The following RILPL1 variants were observed in gnomAD, a reference collection of about 807,000 sequenced individuals.
RILPL1 encodes Rab interacting lysosomal protein like 1.
A neutral mutation model predicts 50.3 loss-of-function variants in RILPL1; 33 were observed. That is an observed-to-expected ratio of 0.66 (90% confidence interval 0.50 to 0.88). The LOEUF is 0.88. RILPL1 is among the 40% of genes least tolerant of loss of function. The pLI is 0.00. For synonymous variants in RILPL1, 205 were observed against 228.6 expected (o/e 0.90, Z 0.93); for missense variants, 418 against 542.5 (o/e 0.77, Z 2.28).
At chr12:123,529,965 C>G (rs1187983112) in intron 1 of RILPL1, among the ~76,000 whole-genome samples, 1 of 151,872 alleles carries the variant, frequency 6.6e-6, no homozygotes, top group Non-Finnish European at 1.5e-5. Flanking sequence ...CCACACGTGG[C>G]TGTTGAGCAT....
At chr12:123,528,879 T>A (rs893590458) in intron 1 of RILPL1, among the ~76,000 whole-genome samples, 6 of 152,086 alleles carry the variant, frequency 3.9e-5, no homozygotes, top group African/African-American at 1.4e-4. Context: ...GCTGCCTCCA[T>A]ACCAGCCCAG....
At chr12:123,479,400 C>T (rs1374872706) in intron 6 of RILPL1, among the ~76,000 whole-genome samples, 1 of 152,062 alleles carries the variant, frequency 6.6e-6, no homozygotes, top group Admixed American at 6.6e-5. Context: ...CTGAGCAGAC[C>T]GCATGGCTAA....
At position 123,472,431 on chromosome 12, in the gene RILPL1, G is replaced by A; in HGVS notation, c.*107C>T. The A allele has an allele frequency of 4.1e-6, 5 of 1,228,336 alleles. No homozygotes were observed. Among genetic ancestry groups the A allele is most frequent in the East Asian group, 2.6e-5 (1 of 38,868 alleles). 76.1% of individuals were successfully genotyped at this position (1,228,336 alleles called of 1,614,324 possible). A position where few individuals can be genotyped will look rare whatever the true frequency, so the allele number is the denominator to read the frequency against. On this transcript the variant is annotated 3_prime_UTR_variant, in exon 7 of 7. Coordinates refer to ENST00000376874, the MANE Select transcript of RILPL1 (RefSeq NM_178314.5). ...TCTGTTTGAGGGGTCAGTTTTCAGG[G>A]TGCATCTGCACCGAGAGGCTTGAGG... is the stretch of plus-strand genomic sequence containing the variant.
chr12:123,511,749 CTGTGTGTGGTGTGTGAGGTTTG>C (rs2139364173), intron 2 of RILPL1, among the ~76,000 whole-genome samples: 1 of 56,098 alleles, frequency 1.8e-5, no homozygotes, highest in East Asian at 6.3e-4. Context: ...TGTGTGAGGT[CTGTGTGTGGTGTGTGAGGTTTG>C]TGTGTGTGTG....
chr12:123,512,506 ATC>A (rs1464953332), intron 2 of RILPL1, among the ~76,000 whole-genome samples: 3 of 53,830 alleles, frequency 5.6e-5, no homozygotes, highest in Non-Finnish European at 1.1e-4. Context: ...GTGGTGTGAG[ATC>A]TGTGTGTGTG....
rs1885527220 is a variant in RILPL1 at position 123,533,537 on chromosome 12, G to A, written c.-55C>T. ...GCAAACTCGTGCAACTCCCAAACTT[G>A]CCGCTGTCGAGGGCCGGGCCGGCCG... On this transcript the variant is annotated 5_prime_UTR_variant, in exon 1 of 7. Transcript: ENST00000376874. The surrounding 1 kb of genome is among the most constrained non-coding windows in gnomAD (Gnocchi z 6.2). 2 of 1,401,926 alleles carry A rather than the reference G, an allele frequency of 1.4e-6. No individual in the cohort carries two copies. Among genetic ancestry groups the A allele is most frequent in the African/African-American group, 3.0e-5 (2 of 67,796 alleles). 86.8% of individuals were successfully genotyped at this position (1,401,926 alleles called of 1,614,324 possible).
At chr12:123,511,898 T>G (rs1884286190) in intron 2 of RILPL1, among the ~76,000 whole-genome samples, 1 of 119,422 alleles carries the variant, frequency 8.4e-6, no homozygotes, top group East Asian at 2.8e-4. Flanking sequence ...TGGTGTGAGA[T>G]CTGTATGTGT....
intron 2 of RILPL1, among the ~76,000 whole-genome samples, chr12:123,511,331 T>C (rs1176083827): frequency 1.3e-5 from 2 of 148,560 alleles, no homozygotes; most frequent in Non-Finnish European, 3.0e-5. Context: ...GTGTGAGGTC[T>C]GTGTGTAGTG....
rs2139324570 is a variant in RILPL1 at position 123,489,629 on chromosome 12, A to C, written c.802-3824T>G. Among the ~76,000 whole-genome samples, 1 of 151,602 alleles carries C rather than the reference A, an allele frequency of 6.6e-6. No individual in the cohort carries two copies. Among genetic ancestry groups the C allele is most frequent in the South Asian group, 2.1e-4 (1 of 4,802 alleles). On this transcript the variant is annotated intron_variant, in intron 4 of 6. Transcript: ENST00000376874. This position sits in a 1 kb window ranked among gnomAD's most constrained non-coding sequence, Gnocchi z 4.0. The stretch of plus-strand genomic sequence containing the variant: ...CAGTGAGCTGACACGGTGCCACTGT[A>C]CTCCAGCCTGGGCGACAGAGCGACA...
intron 6 of RILPL1, among the ~76,000 whole-genome samples, chr12:123,481,072 C>A (rs928494756): frequency 6.6e-6 from 1 of 152,052 alleles, no homozygotes. Context: ...GAAAATGAAA[C>A]CTGGCCGGGC....
At position 123,481,094 on chromosome 12, in the gene RILPL1, C is replaced by T. The variant is rs1048578504; in HGVS notation, c.1067+3086G>A. ...AAACCTGGCCGGGCGCGGTGGCTCACGCCTGTAATCCCAGCACTTTGGGAG... is the reference window on the plus strand; with the variant it reads ...AAACCTGGCCGGGCGCGGTGGCTCATGCCTGTAATCCCAGCACTTTGGGAG... On this transcript the variant is annotated intron_variant, in intron 6 of 6. Transcript: ENST00000376874. Among the ~76,000 whole-genome samples the T allele has an allele frequency of 3.9e-5, 6 of 152,216 alleles. No individual in the cohort carries two copies. The South Asian group carries it at 1.0e-3, about 26-fold the overall frequency.
chr12:123,510,776 T>G (rs1427571072), intron 2 of RILPL1, among the ~76,000 whole-genome samples: 1 of 95,688 alleles, frequency 1.0e-5, no homozygotes, highest in Non-Finnish European at 2.2e-5. Flanking sequence ...GGGGTCTGTG[T>G]GTGTGTGGTA....
At chr12:123,531,971 T>C (rs964205033) in intron 1 of RILPL1, among the ~76,000 whole-genome samples, 1 of 152,336 alleles carries the variant, frequency 6.6e-6, no homozygotes, top group East Asian at 1.9e-4. Flanking sequence ...CCCTAGGGCA[T>C]AGGGACCCAT....
At chr12:123,525,257 A>G (rs1475931794) in intron 1 of RILPL1, among the ~76,000 whole-genome samples, 1 of 151,858 alleles carries the variant, frequency 6.6e-6, no homozygotes, top group Non-Finnish European at 1.5e-5. Flanking sequence ...TTGTTCTGTC[A>G]CCCAGGCTGG....
intron 6 of RILPL1, among the ~76,000 whole-genome samples, chr12:123,482,585 T>TTTTC (rs997997703): frequency 6.6e-6 from 1 of 151,764 alleles, no homozygotes; most frequent in Non-Finnish European, 1.5e-5. Flanking sequence ...AAGGGCATCA[T>TTTTC]TTTCTTTCTT....
At chr12:123,519,698 T>G (rs1158069874) in intron 2 of RILPL1, 1 of 152,240 alleles carries the variant, frequency 6.6e-6, no homozygotes, top group Non-Finnish European at 1.5e-5. Flanking sequence ...TTCTCCTTGT[T>G]GTGTTCCCAT....
chr12:123,514,150 T>G (rs796268893), intron 2 of RILPL1: 8 of 152,380 alleles, frequency 5.3e-5, no homozygotes, highest in African/African-American at 1.9e-4. Context: ...AAAGCAGCTC[T>G]GACACGCCAC....
intron 2 of RILPL1, among the ~76,000 whole-genome samples, chr12:123,512,820 T>C (rs1277598572): frequency 6.9e-6 from 1 of 144,350 alleles, no homozygotes; most frequent in Admixed American, 6.9e-5. Flanking sequence ...GAGATCTGTG[T>C]ATGTGTGAGG....
Position 123,498,917 on chromosome 12 carries a change from G to A in RILPL1, c.580-152C>T, listed in dbSNP as rs939402620. Among the ~76,000 whole-genome samples, 2 of 152,242 alleles carry A rather than the reference G, an allele frequency of 1.3e-5. No homozygotes were observed. The highest frequency in any genetic ancestry group is 2.9e-5 in the Non-Finnish European group (2 of 68,046). On this transcript the variant is annotated intron_variant, in intron 3 of 6. Transcript: ENST00000376874. This position sits in a 1 kb window ranked among gnomAD's most constrained non-coding sequence, Gnocchi z 4.3. ...CGTATTCTTATAGCTGATGATGCTA[G>A]AGATGGGCAATTTGTGTATTTTCTA...
Sources: allele counts gnomAD v4.1 joint callset (sites outside exome capture counted in the v4.1 genomes callset), GRCh38; gene constraint gnomAD v4.1.1; non-coding constraint Gnocchi (gnomAD v3.1); transcripts MANE v1.5; gene names NCBI Gene and HGNC (gene_info 2026-07-23, HGNC 2026-07-21).